The following KCNC2 variants were observed in gnomAD, a reference collection of about 807,000 sequenced individuals.
KCNC2 encodes potassium voltage-gated channel subfamily C member 2.
KCNC2 carries 21 observed loss-of-function variants against 44.5 expected under a neutral mutation model. The observed-to-expected ratio is 0.47, with a 90% confidence interval of 0.33 to 0.68. The LOEUF (loss-of-function observed/expected upper bound fraction) is 0.68, where lower values mean the gene tolerates loss of function less well. KCNC2 is among the 30% of genes least tolerant of loss of function. The probability of loss-of-function intolerance (pLI) is 0.01; values close to 1 mark genes in which losing one functional copy is unlikely to be tolerated. For missense variants in KCNC2, 589 were observed against 826.2 expected (o/e 0.71, Z 3.52); for synonymous variants, 391 against 339.1 (o/e 1.15, Z -1.68).
At chr12:75,193,318 A>C (rs1272097083) in intron 2 of KCNC2, among the ~76,000 whole-genome samples, 1 of 152,202 alleles carries the variant, frequency 6.6e-6, no homozygotes, top group Non-Finnish European at 1.5e-5. Context: ...TAATGAATAC[A>C]TAGGTTGGAA....
chr12:75,077,169 T>A (rs1884061001), intron 2 of KCNC2, among the ~76,000 whole-genome samples: 1 of 152,098 alleles, frequency 6.6e-6, no homozygotes, highest in South Asian at 2.1e-4. Context: ...ACAAGATAAT[T>A]TCATTAAGTT....
At chr12:75,086,070 C>T (rs1417037087) in intron 2 of KCNC2, among the ~76,000 whole-genome samples, 9 of 151,930 alleles carry the variant, frequency 5.9e-5, no homozygotes, top group African/African-American at 2.2e-4. Flanking sequence ...TATGTTTTCA[C>T]TCATACTATA....
At chr12:75,061,965 A>C (rs1437555752) in intron 2 of KCNC2, among the ~76,000 whole-genome samples, 1 of 152,080 alleles carries the variant, frequency 6.6e-6, no homozygotes, top group African/African-American at 2.4e-5. Context: ...AATAGCTTTA[A>C]GATACCAGTA....
intron 2 of KCNC2, among the ~76,000 whole-genome samples, chr12:75,194,002 A>G (rs911925645): frequency 6.6e-6 from 1 of 152,182 alleles, no homozygotes; most frequent in Non-Finnish European, 1.5e-5. Context: ...AAAGATTCAC[A>G]AAGACATTAT....
chr12:75,054,275 A>G (rs1881504831), intron 2 of KCNC2, among the ~76,000 whole-genome samples: 1 of 151,902 alleles, frequency 6.6e-6, no homozygotes, highest in Non-Finnish European at 1.5e-5. Context: ...TTATTTGTGA[A>G]AGCTAAAAAC....
chr12:75,076,106 C>T (rs1170048785), intron 2 of KCNC2, among the ~76,000 whole-genome samples: 1 of 147,876 alleles, frequency 6.8e-6, no homozygotes, highest in Non-Finnish European at 1.5e-5. Context: ...GAAAAGAATA[C>T]CAGAGTAATT....
At chr12:75,069,127 A>ATTTTTTTTTTTTTTT (rs1231157819) in intron 2 of KCNC2, among the ~76,000 whole-genome samples, 5 of 33,896 alleles carry the variant, frequency 1.5e-4, no homozygotes, top group Non-Finnish European at 1.9e-4. Context: ...ATTTTATATA[A>ATTTTTTTTTTTTTTT]TCTTTTTTTT....
In KCNC2 at chr12:75,084,260, A is replaced by AT. The variant is rs1179465573; in HGVS notation, c.688-32944dup. On this transcript the variant is annotated intron_variant, in intron 2 of 4. Coordinates refer to ENST00000549446, the MANE Select transcript of KCNC2 (RefSeq NM_139137.4). Reference sequence around the variant, plus strand: ...ATAGATAGATAGATGATGATGATAGATAGATAGATTAGATAGATAGATAGA... The same window carrying AT: ...ATAGATAGATAGATGATGATGATAGATTAGATAGATTAGATAGATAGATAGA... Among the ~76,000 whole-genome samples the AT allele has an allele frequency of 1.4e-3, 141 of 100,888 alleles. 1 individual carries two copies. Among genetic ancestry groups the AT allele is most frequent in the African/African-American group, 4.5e-3 (118 of 26,408 alleles). 66.2% of individuals were successfully genotyped at this position (100,888 alleles called of 152,430 possible).
At chr12:75,139,235 C>T (rs1889468437) in intron 2 of KCNC2, among the ~76,000 whole-genome samples, 1 of 152,014 alleles carries the variant, frequency 6.6e-6, no homozygotes, top group Non-Finnish European at 1.5e-5. Flanking sequence ...CATTTTGCTG[C>T]ACAAAAAAAG....
intron 2 of KCNC2, among the ~76,000 whole-genome samples, chr12:75,056,293 A>G (rs1051502679): frequency 6.6e-6 from 1 of 152,036 alleles, no homozygotes; most frequent in Non-Finnish European, 1.5e-5. Context: ...ATCAGCCTAT[A>G]CTATAAAATA....
intron 2 of KCNC2, among the ~76,000 whole-genome samples, chr12:75,166,228 T>C (rs1593008739): frequency 1.3e-5 from 2 of 151,130 alleles, no homozygotes; most frequent in South Asian, 2.1e-4. Flanking sequence ...ATATATCTAG[T>C]GCAGGGATTT....
chr12:75,110,403 T>TCTA (rs1360552142), intron 2 of KCNC2, among the ~76,000 whole-genome samples: 3 of 152,118 alleles, frequency 2.0e-5, no homozygotes, highest in Non-Finnish European at 1.5e-5. Flanking sequence ...GAGAGAGGAC[T>TCTA]GTAGTCAAGA....
At chr12:75,067,657 A>G (rs1882969215) in intron 2 of KCNC2, among the ~76,000 whole-genome samples, 1 of 152,192 alleles carries the variant, frequency 6.6e-6, no homozygotes, top group Non-Finnish European at 1.5e-5. Context: ...GCAGCACTGA[A>G]AATGGGTTTT....
intron 2 of KCNC2, among the ~76,000 whole-genome samples, chr12:75,082,522 AT>A (rs148537576): frequency 0.018 from 2,412 of 137,744 alleles, 45 homozygotes; most frequent in Middle Eastern, 0.04. Context: ...CACCCACGAG[AT>A]TTTTTTTTTT....
At chr12:75,075,990 T>C (rs1296704199) in intron 2 of KCNC2, among the ~76,000 whole-genome samples, 1 of 151,756 alleles carries the variant, frequency 6.6e-6, no homozygotes, top group East Asian at 1.9e-4. Context: ...ATTTTTCAAA[T>C]GGAAATGTTG....
intron 2 of KCNC2, among the ~76,000 whole-genome samples, chr12:75,166,660 T>C (rs1015185225): frequency 6.6e-6 from 1 of 151,146 alleles, no homozygotes; most frequent in African/African-American, 2.4e-5. Context: ...TAGAGGCAAA[T>C]TGGAAGAGTT....
At position 75,200,676 on chromosome 12, in the gene KCNC2, C is replaced by A. The variant is rs574890390; in HGVS notation, c.687+6621G>T. ...AAAAACAGAAATATGGAGCACTATA[C>A]ACTATACATACACATTCATTTTAAA... On this transcript the variant is annotated intron_variant, in intron 2 of 4. Coordinates refer to ENST00000549446, the MANE Select transcript of KCNC2 (RefSeq NM_139137.4). Among the ~76,000 whole-genome samples, 6 of 151,612 alleles carry A rather than the reference C, an allele frequency of 4.0e-5. No homozygotes were observed. In the South Asian group the frequency reaches 1.2e-3, roughly 31 times the overall value.
At chr12:75,185,022 G>T (rs1665461513) in intron 2 of KCNC2, among the ~76,000 whole-genome samples, 1 of 152,192 alleles carries the variant, frequency 6.6e-6, no homozygotes, top group African/African-American at 2.4e-5. Context: ...GAAGCATAAA[G>T]CCGGAAGAAA....
chr12:75,125,384 C>G (rs1051831148), intron 2 of KCNC2, among the ~76,000 whole-genome samples: 2 of 152,120 alleles, frequency 1.3e-5, no homozygotes, highest in Non-Finnish European at 2.9e-5. Flanking sequence ...GACTTATGAA[C>G]CAATGATTAG....
Sources: gnomAD v4.1 joint callset for allele counts (sites outside exome capture counted in the v4.1 genomes callset) on GRCh38, gnomAD v4.1.1 for gene constraint, MANE v1.5 for transcripts, NCBI Gene and HGNC (gene_info 2026-07-23, HGNC 2026-07-21) for gene names.